CD163L1: variants seen among roughly 807,000 people sequenced by gnomAD.
CD163L1 encodes CD163 molecule like 1.
In CD163L1, 124 loss-of-function variants were observed where a neutral mutation model predicts 165.4. The ratio of observed to expected loss-of-function variants is 0.75; its 90% CI spans 0.65 to 0.87. The LOEUF (loss-of-function observed/expected upper bound fraction) is 0.87. Ranked by LOEUF, CD163L1 falls within the 40% of genes least tolerant of loss-of-function variation. The pLI is 0.00. For synonymous variants in CD163L1, 585 were observed against 662.2 expected (o/e 0.88, Z 1.79); for missense variants, 1,525 against 1,799.9 (o/e 0.85, Z 2.76).
At chr12:7,326,499 C>A in the CD163L1 span, among the ~76,000 whole-genome samples, 1 of 152,156 alleles carries the variant, frequency 6.6e-6, no homozygotes, top group African/African-American at 2.4e-5. Flanking sequence ...TGTAAGCCAC[C>A]ATGCTCAGCC....
rs1565779381 is a variant in CD163L1, at chr12:7,374,403, CGT to C, written c.3409+37_3409+38del. Reference sequence around the variant, plus strand: ...TGTTGTGTGTGTGCAAGTGTGTGCACGTGTGTGTAGAGGAGGGTGAAAAGGTA... The same window carrying C: ...TGTTGTGTGTGTGCAAGTGTGTGCACGTGTGTAGAGGAGGGTGAAAAGGTA... On this transcript the variant is annotated intron_variant, in intron 13 of 19. Transcript: ENST00000313599. This position sits in a 1 kb window ranked among gnomAD's most constrained non-coding sequence, Gnocchi z 5.4. 6.4e-7 allele frequency: 1 copy of C among 1,562,848 alleles called. No individual in the cohort carries two copies.
rs1948827904 is a variant in CD163L1, at chr12:7,441,254, A to G, written c.32-8T>C. On this transcript the variant is annotated splice_region_variant and splice_polypyrimidine_tract_variant and intron_variant, in intron 1 of 19. Transcript: ENST00000313599. ...AGCAGCATCTTCCAAAATCTGGAGA[A>G]ACAAAATATAGCAGGGTAGAATTTC... 6.2e-7 allele frequency: 1 copy of G among 1,603,502 alleles called. No individual in the cohort carries two copies. Among genetic ancestry groups the G allele is most frequent in the African/African-American group, 1.3e-5 (1 of 74,760 alleles).
chr12:7,335,548 C>T, the CD163L1 span, among the ~76,000 whole-genome samples: 1 of 151,526 alleles, frequency 6.6e-6, no homozygotes, highest in Non-Finnish European at 1.5e-5. Flanking sequence ...CCATAAAAAC[C>T]TAAACCCTAG....
At chr12:7,418,614 T>G (rs1168783496) in intron 4 of CD163L1, among the ~76,000 whole-genome samples, 1 of 151,752 alleles carries the variant, frequency 6.6e-6, no homozygotes, top group African/African-American at 2.4e-5. Context: ...AAAAGATAAA[T>G]AAAATTGATA....
rs988747873 is a variant in CD163L1, at chr12:7,368,839, G to A, written c.4072+94C>T. On this transcript the variant is annotated intron_variant, in intron 16 of 19. Coordinates refer to ENST00000313599, the MANE Select transcript of CD163L1 (RefSeq NM_174941.6). This position sits in a 1 kb window ranked among gnomAD's most constrained non-coding sequence, Gnocchi z 4.3. ...CAGACTCATATTTCTGCAGTCCCCA[G>A]TCTTCTTTGATTATCATAGCAGTTT... 7 of 1,386,272 alleles carry A rather than the reference G, an allele frequency of 5.0e-6. No individual in the cohort carries two copies. The highest frequency in any genetic ancestry group is 7.2e-6 in the Non-Finnish European group (7 of 976,876). The allele number at this position is 1,386,272 out of a possible 1,614,324, so 85.9% of individuals were successfully genotyped here. A position where few individuals can be genotyped will look rare whatever the true frequency, so the allele number is the denominator to read the frequency against.
At chr12:7,360,858 T>C (rs1946876034) in intron 18 of CD163L1, among the ~76,000 whole-genome samples, 1 of 152,186 alleles carries the variant, frequency 6.6e-6, no homozygotes, top group African/African-American at 2.4e-5. Flanking sequence ...TGGATAATTT[T>C]GGTTCGTATG....
downstream of CD163L1, among the ~76,000 whole-genome samples, chr12:7,350,752 CATTTTA>C (rs1281916600): frequency 6.6e-6 from 1 of 152,058 alleles, no homozygotes; most frequent in East Asian, 1.9e-4. Context: ...GATGTTTGTT[CATTTTA>C]ATTTTGACAT....
At chr12:7,419,779 A>G (rs1948314059) in intron 4 of CD163L1, among the ~76,000 whole-genome samples, 1 of 152,000 alleles carries the variant, frequency 6.6e-6, no homozygotes, top group Non-Finnish European at 1.5e-5. Context: ...AAAATTTATT[A>G]TACTGCCAAA....
At position 7,396,181 on chromosome 12, in the gene CD163L1, T is replaced by C. The variant is rs747559075; in HGVS notation, c.1964A>G (p.Asp655Gly). The C allele has an allele frequency of 3.1e-6, 5 of 1,614,022 alleles. No homozygotes were observed. Among genetic ancestry groups the C allele is most frequent in the Non-Finnish European group, 4.2e-6 (5 of 1,180,024 alleles). The change falls in exon 8 of 20, where the codon GAT (aspartate) becomes GGT (glycine). Residue 655 changes from aspartate to glycine, a missense_variant. Transcript: ENST00000313599. ...IWLDDVSCDGDESDLWSCRNS... is the reference protein window; with the variant it reads ...IWLDDVSCDGGESDLWSCRNS... ...CCTGCATGACCAGAGATCTGACTCA[T>C]CTCCATCACAGGAAACATCATCGAG...
At chr12:7,422,748 CAT>C (rs1346842514) in intron 4 of CD163L1, among the ~76,000 whole-genome samples, 21 of 97,378 alleles carry the variant, frequency 2.2e-4, no homozygotes, top group African/African-American at 4.5e-4. Context: ...AATATATATA[CAT>C]ATGTGTGTGT....
intron 8 of CD163L1, among the ~76,000 whole-genome samples, chr12:7,394,060 G>GA (rs2136489083): frequency 6.9e-6 from 1 of 144,622 alleles, no homozygotes; most frequent in South Asian, 2.2e-4. Flanking sequence ...CACCGAATTG[G>GA]AAAAAACTAC....
chr12:7,365,589 A>T lies in CD163L1; in HGVS notation c.4279+1647T>A, dbSNP rs866340600. Among the ~76,000 whole-genome samples, 4 of 152,284 alleles carry T rather than the reference A, an allele frequency of 2.6e-5. No individual in the cohort carries two copies. In the Middle Eastern group the frequency reaches 0.014, roughly 518 times the overall value. ...GAAAAAAACCAACTAATCTGATTTT[A>T]AAAAATGGGTGAAAGAACTGAATAG... On this transcript the variant is annotated intron_variant, in intron 18 of 19. Coordinates refer to ENST00000313599, the MANE Select transcript of CD163L1 (RefSeq NM_174941.6).
Position 7,422,639 on chromosome 12 carries a change from A to G in CD163L1, c.766+9777T>C, listed in dbSNP as rs148435401. ...TGAAAAAAGGTTATTTCATATATAT[A>G]TCTCATATATATTCATATATATCTC... On this transcript the variant is annotated intron_variant, in intron 4 of 19. Coordinates refer to ENST00000313599, the MANE Select transcript of CD163L1 (RefSeq NM_174941.6). Among the ~76,000 whole-genome samples, 685 of 150,560 alleles carry G rather than the reference A, an allele frequency of 4.5e-3. 7 individuals are homozygous for G. The highest frequency in any genetic ancestry group is 0.016 in the South Asian group (75 of 4,802).
the CD163L1 span, chr12:7,323,398 A>G: frequency 2.5e-6 from 4 of 1,596,604 alleles, no homozygotes; most frequent in South Asian, 1.1e-5. Context: ...ACTATTCATA[A>G]GCTGCTTTCA....
At chr12:7,425,878 CTG>C (rs1486085722) in intron 4 of CD163L1, among the ~76,000 whole-genome samples, 5 of 152,022 alleles carry the variant, frequency 3.3e-5, no homozygotes, top group East Asian at 1.9e-4. Flanking sequence ...TTGTGGAAGA[CTG>C]TGGTGATTCC....
downstream of CD163L1, among the ~76,000 whole-genome samples, chr12:7,350,084 G>C (rs1415306907): frequency 6.6e-5 from 10 of 152,170 alleles, no homozygotes; most frequent in Non-Finnish European, 1.5e-5. Context: ...GAGCTACGGA[G>C]AAAGTCACTA....
rs966127315 is a variant in CD163L1, at chr12:7,368,263, T to TA, written c.4073-67dup. ...ATATCAATTGTGGGTTTATACATTG[T>TA]AAAAAAAACTGGTTCCCTAGTTGCT... is the stretch of plus-strand genomic sequence containing the variant. On this transcript the variant is annotated intron_variant, in intron 16 of 19. Coordinates refer to ENST00000313599, the MANE Select transcript of CD163L1 (RefSeq NM_174941.6). The surrounding 1 kb of genome is among the most constrained non-coding windows in gnomAD (Gnocchi z 4.3). The TA allele has an allele frequency of 1.4e-4, 121 of 848,942 alleles. No homozygotes were observed. The highest frequency in any genetic ancestry group is 2.8e-4 in the Middle Eastern group (1 of 3,596). 52.6% of individuals were successfully genotyped at this position (848,942 alleles called of 1,614,324 possible). A position where few individuals can be genotyped will look rare whatever the true frequency, so the allele number is the denominator to read the frequency against.
chr12:7,371,323 T>G (rs977539594), intron 14 of CD163L1, among the ~76,000 whole-genome samples: 1 of 152,200 alleles, frequency 6.6e-6, no homozygotes, highest in South Asian at 2.1e-4. Context: ...TTTTTAAGTA[T>G]TAACAAATTA....
chr12:7,353,883 AAT>A (rs1219480571), downstream of CD163L1, among the ~76,000 whole-genome samples: 1 of 152,086 alleles, frequency 6.6e-6, no homozygotes, highest in African/African-American at 2.4e-5. Flanking sequence ...ATATTAATGA[AAT>A]ATATATTAAT....
Sources: allele counts gnomAD v4.1 joint callset (sites outside exome capture counted in the v4.1 genomes callset), GRCh38; gene constraint gnomAD v4.1.1; non-coding constraint Gnocchi (gnomAD v3.1); transcripts MANE v1.5; gene names NCBI Gene and HGNC (gene_info 2026-07-23, HGNC 2026-07-21).